The following MYO19 variants were observed in gnomAD, a reference collection of about 807,000 sequenced individuals.
The protein encoded by MYO19 is myosin XIX.
A neutral mutation model predicts 129.2 loss-of-function variants in MYO19; 132 were observed. The ratio of observed to expected loss-of-function variants is 1.02; its 90% CI spans 0.89 to 1.18. MYO19 has a LOEUF of 1.18. Ranked by LOEUF, MYO19 falls within the 50% of genes most tolerant of loss-of-function variation. The probability of loss-of-function intolerance (pLI) is 0.00; values close to 1 mark genes in which losing one functional copy is unlikely to be tolerated. For missense variants in MYO19, 1,210 were observed against 1,216.7 expected, an observed-to-expected ratio of 0.99 and a Z score of 0.08; for synonymous variants, 531 against 477.2, an observed-to-expected ratio of 1.11 and a Z score of -1.47.
rs770061129 is a variant in MYO19, at chr17:36,503,131, G to C, written c.2046C>G (p.Gly682=). 3.7e-6 allele frequency: 6 copies of C among 1,614,038 alleles called. No homozygotes were observed. Among genetic ancestry groups the C allele is most frequent in the South Asian group, 1.1e-5 (1 of 91,088 alleles). ...CTTTGGCAGGATATGGGCTGTCGGG[G>C]CCAGAGGATGTGCAAGGATGAAGCC... ...LRRLHPCTSS[G]PDSPYPAKGL... The change falls in exon 21 of 26, where the codon GGC becomes GGG. Residue 682 remains glycine, a synonymous_variant. Coordinates refer to ENST00000614623, the MANE Select transcript of MYO19 (RefSeq NM_001163735.2).
At chr17:36,530,247 G>A (rs1328789029) in intron 3 of MYO19, among the ~76,000 whole-genome samples, 1 of 152,124 alleles carries the variant, frequency 6.6e-6, no homozygotes, top group African/African-American at 2.4e-5. Context: ...AGGAGGTCGA[G>A]GCTACAGTGA....
Position 36,511,436 on chromosome 17 carries a change from T to G in MYO19, c.914A>C (p.His305Pro). 6.4e-7 allele frequency: 1 copy of G among 1,565,470 alleles called. No individual in the cohort carries two copies. The highest frequency in any genetic ancestry group is 8.7e-7 in the Non-Finnish European group (1 of 1,155,120). The change falls in exon 12 of 26, where the codon CAC (histidine) becomes CCC (proline). Residue 305 changes from histidine (H) to proline (P), a missense_variant. By Grantham distance (77) the His-to-Pro change is moderately conservative (BLOSUM62 -2). Transcript: ENST00000614623. ...NIFKVLAGLL[H>P]LGNIQFAASE... is the part of the protein sequence containing the mutation. ...GGCAGCAAACTGGATATTGCCAAGGTGCAGCAGTCCAGCTAGGACCTGGGG... is the reference window on the plus strand; with the variant it reads ...GGCAGCAAACTGGATATTGCCAAGGGGCAGCAGTCCAGCTAGGACCTGGGG...
At chr17:36,531,522 T>G (rs539312998) in intron 3 of MYO19, among the ~76,000 whole-genome samples, 1 of 152,108 alleles carries the variant, frequency 6.6e-6, no homozygotes, top group African/African-American at 2.4e-5. Flanking sequence ...CTACATACTT[T>G]AAAAACATTG....
At chr17:36,537,314 T>G (rs764647885), upstream of MYO19, 4 of 1,614,090 alleles carry the variant, frequency 2.5e-6, no homozygotes, top group South Asian at 1.1e-5. Context: ...TGGTAGCCAC[T>G]TTGACCATTT....
intron 23 of MYO19, chr17:36,500,041 TAGAGAA>T (rs2071398734): frequency 6.6e-6 from 1 of 151,988 alleles, no homozygotes; most frequent in African/African-American, 2.4e-5. Context: ...GTATTTTTAG[TAGAGAA>T]AGGGTTTTGC....
chr17:36,532,434 C>CTT, intron 3 of MYO19, 93 bp downstream of exon 3: 2 of 1,479,966 alleles, frequency 1.4e-6, no homozygotes, highest in Non-Finnish European at 1.8e-6. Flanking sequence ...GAAAAGAGAC[C>CTT]TTTAAGGGGG....
At chr17:36,499,660 G>GTTTTTTTT (rs2071341311) in intron 23 of MYO19, 1 of 54,470 alleles carries the variant, frequency 1.8e-5, no homozygotes, top group African/African-American at 7.8e-5. Context: ...TTTTCTTTTT[G>GTTTTTTTT]TTTCTTTTTT....
chr17:36,542,982 T>G (rs1407648231), intron 1 of MYO19: 1 of 151,832 alleles, frequency 6.6e-6, no homozygotes, highest in African/African-American at 2.4e-5. Context: ...TCCCAAAGTC[T>G]TGGGATTACA....
chr17:36,497,413 G>A (rs2071089108), intron 25 of MYO19, among the ~76,000 whole-genome samples: 1 of 151,862 alleles, frequency 6.6e-6, no homozygotes, highest in Non-Finnish European at 1.5e-5. Flanking sequence ...ATACAATTTG[G>A]GGAAAACATG....
chr17:36,512,863 G>T, intron 11 of MYO19: 2 of 1,192,840 alleles, frequency 1.7e-6, no homozygotes, highest in Non-Finnish European at 2.1e-6. Context: ...ACTGAGAGGA[G>T]CCCAGCTCAC....
intron 5 of MYO19, among the ~76,000 whole-genome samples, chr17:36,527,211 G>A (rs1331248082): frequency 1.3e-5 from 2 of 151,566 alleles, no homozygotes; most frequent in Admixed American, 6.6e-5. Context: ...AAATAAAAAG[G>A]TAGTTTGTTA....
intron 23 of MYO19, chr17:36,499,417 G>A (rs966017438): frequency 9.7e-6 from 3 of 309,346 alleles, no homozygotes; most frequent in Non-Finnish European, 1.9e-5. Context: ...ACTGGCTGAG[G>A]GCCCAGCAAT....
intron 24 of MYO19, 41 bp downstream of exon 24, chr17:36,499,034 A>T (rs2071258957): frequency 6.6e-7 from 1 of 1,517,366 alleles, no homozygotes; most frequent in African/African-American, 1.4e-5. Flanking sequence ...GGTCCCCAAA[A>T]TTGATCCACT....
At chr17:36,513,030 T>C in intron 11 of MYO19, 3 of 1,049,628 alleles carry the variant, frequency 2.9e-6, no homozygotes, top group Non-Finnish European at 3.7e-6. Context: ...TTCTCAGGCA[T>C]AAAGGGAAAT....
At chr17:36,536,025 G>A (rs923121095), upstream of MYO19, among the ~76,000 whole-genome samples, 10 of 152,040 alleles carry the variant, frequency 6.6e-5, no homozygotes, top group African/African-American at 2.4e-4. Context: ...TTCAGCTCAT[G>A]GTACATTTAG....
Position 36,496,559 on chromosome 17 carries a change from CAG to C in MYO19, c.2758-155_2758-154del, listed in dbSNP as rs2070997160. Among the ~76,000 whole-genome samples the C allele has an allele frequency of 2.6e-5, 4 of 152,288 alleles. No homozygotes were observed. In the South Asian group the frequency reaches 8.3e-4, roughly 32 times the overall value. On this transcript the variant is annotated intron_variant, in intron 25 of 25. Coordinates refer to ENST00000614623, the MANE Select transcript of MYO19 (RefSeq NM_001163735.2). ...GGATTAAAATAGCATTACATCCACT[CAG>C]TGTGAGACAGATGAGGAAACCCTAG...
intron 6 of MYO19, among the ~76,000 whole-genome samples, chr17:36,517,512 G>A (rs970291986): frequency 5.9e-5 from 9 of 152,120 alleles, no homozygotes; most frequent in African/African-American, 2.2e-4. Context: ...CACCCACCTT[G>A]GCCTCCCAAA....
upstream of MYO19, among the ~76,000 whole-genome samples, chr17:36,535,909 G>A (rs2074105907): frequency 6.7e-6 from 1 of 149,780 alleles, no homozygotes; most frequent in Non-Finnish European, 1.5e-5. Flanking sequence ...CACTTCTCTC[G>A]GCTAGGACTT....
Position 36,498,855 on chromosome 17 carries a change from A to G in MYO19, c.2463+220T>C, listed in dbSNP as rs569482734. 4.1e-4 allele frequency: 241 copies of G among 593,000 alleles called. 2 individuals carry two copies. Among genetic ancestry groups the G allele is most frequent in the Middle Eastern group, 2.7e-3 (6 of 2,226 alleles). 36.7% of individuals were successfully genotyped at this position (593,000 alleles called of 1,614,324 possible). On this transcript the variant is annotated intron_variant, in intron 24 of 25. Coordinates refer to ENST00000614623, the MANE Select transcript of MYO19 (RefSeq NM_001163735.2). ...AAGTGTACATCCCAGAGTTTGGTAT[A>G]TTCCCAGAGTTGCTTATACCACTCT...
Sources: gnomAD v4.1 joint callset for allele counts (sites outside exome capture counted in the v4.1 genomes callset) on GRCh38, gnomAD v4.1.1 for gene constraint, MANE v1.5 for transcripts, NCBI Gene and HGNC (gene_info 2026-07-23, HGNC 2026-07-21) for gene names.